Variants in RASGEF1C observed in about 807,000 individuals in gnomAD.
RASGEF1C encodes RasGEF domain family member 1C, also known as ras-GEF domain-containing family member 1C.
In RASGEF1C, 27 loss-of-function variants were observed where a neutral mutation model predicts 58.1. That is an observed-to-expected ratio of 0.46 (90% confidence interval 0.34 to 0.64). The LOEUF (loss-of-function observed/expected upper bound fraction) is 0.64, where lower values mean the gene tolerates loss of function less well. Ranked by LOEUF, RASGEF1C falls within the 30% of genes least tolerant of loss-of-function variation. RASGEF1C has a pLI of 0.01. For synonymous variants in RASGEF1C, 243 were observed against 246.3 expected (o/e 0.99, Z 0.13); for missense variants, 502 against 605.1 (o/e 0.83, Z 1.79).
intron 11 of RASGEF1C, among the ~76,000 whole-genome samples, chr5:180,111,847 T>C (rs1765964472): frequency 6.6e-6 from 1 of 152,232 alleles, no homozygotes; most frequent in African/African-American, 2.4e-5. Context: ...ATTTATGTAA[T>C]TATGCAAATA....
At position 180,136,464 on chromosome 5, in the gene RASGEF1C, T is replaced by G; in HGVS notation, c.352A>C (p.Thr118Pro). ...PKLLQLLAEW[T>P]ETFPRDFQEE... is the part of the protein sequence containing the mutation. ...TGGAAGTCCCTTGGGAAGGTCTCGG[T>G]CCACTCGGCCAACAGCTGCAGCAGT... Residue 118 changes from threonine to proline, a missense_variant, in exon 4 of 14, where the codon ACC (threonine) becomes CCC (proline). Thr to Pro is a conservative substitution (Grantham distance 38). Coordinates refer to ENST00000361132, the MANE Select transcript of RASGEF1C (RefSeq NM_175062.4). 1 of 1,562,560 alleles carries G rather than the reference T, an allele frequency of 6.4e-7. No homozygotes were observed.
intron 4 of RASGEF1C, among the ~76,000 whole-genome samples, chr5:180,129,937 G>A (rs1199677550): frequency 1.3e-5 from 2 of 152,176 alleles, no homozygotes; most frequent in African/African-American, 4.8e-5. Context: ...TGGGAGAGGA[G>A]GTGCCCCTGA....
chr5:180,108,247 G>C (rs1765901822), intron 12 of RASGEF1C, among the ~76,000 whole-genome samples: 1 of 150,538 alleles, frequency 6.6e-6, no homozygotes, highest in Non-Finnish European at 1.5e-5. Context: ...CATGGCCTAG[G>C]CTGGAGTGCA....
At chr5:180,174,588 G>A (rs1304291277) in intron 1 of RASGEF1C, among the ~76,000 whole-genome samples, 5 of 49,552 alleles carry the variant, frequency 1.0e-4, no homozygotes, top group East Asian at 4.7e-4. Context: ...GTGTGCGCAC[G>A]TGTGTGTGTG....
intron 1 of RASGEF1C, among the ~76,000 whole-genome samples, chr5:180,161,040 C>CA (rs1766935998): frequency 6.6e-6 from 1 of 152,200 alleles, no homozygotes; most frequent in Non-Finnish European, 1.5e-5. Flanking sequence ...GGGCCCATCA[C>CA]TAAACATAGG....
chr5:180,122,284 C>T lies in RASGEF1C; in HGVS notation c.715-1135G>A, dbSNP rs114104758. On this transcript the variant is annotated intron_variant, in intron 6 of 13. Coordinates refer to ENST00000361132, the MANE Select transcript of RASGEF1C (RefSeq NM_175062.4). ...TGGGCACCAGCTGTGTGTATGCATG[C>T]ATCTATCATAACCATATATATTCCC... Among the ~76,000 whole-genome samples the T allele has an allele frequency of 1.3e-3, 199 of 152,306 alleles. 1 individual carries two copies. The highest frequency in any genetic ancestry group is 4.5e-3 in the African/African-American group (187 of 41,550).
In RASGEF1C at chr5:180,101,450, T is replaced by C; in HGVS notation, c.*51A>G. On this transcript the variant is annotated 3_prime_UTR_variant, in exon 14 of 14. Coordinates refer to ENST00000361132, the MANE Select transcript of RASGEF1C (RefSeq NM_175062.4). ...CCACTGGGCCACTGAGGCAGGGCTGTGGACGGCTTCTGCGGGCTCCAGCTC... is the reference window on the plus strand; with the variant it reads ...CCACTGGGCCACTGAGGCAGGGCTGCGGACGGCTTCTGCGGGCTCCAGCTC... 6.2e-7 allele frequency: 1 copy of C among 1,603,644 alleles called. No homozygotes were observed. The highest frequency in any genetic ancestry group is 8.5e-7 in the Non-Finnish European group (1 of 1,178,704).
chr5:180,134,191 C>T (rs1766427402), intron 4 of RASGEF1C, among the ~76,000 whole-genome samples: 1 of 152,108 alleles, frequency 6.6e-6, no homozygotes, highest in Non-Finnish European at 1.5e-5. Context: ...AGAGAAGGTC[C>T]TCTTTGGGGT....
chr5:180,125,159 A>C (rs13360542), intron 6 of RASGEF1C, among the ~76,000 whole-genome samples: 36,195 of 152,114 alleles, frequency 0.24, 4,424 homozygotes, highest in South Asian at 0.32. Context: ...ACAACAACAA[A>C]AAACCCAAAA....
chr5:180,101,357 G>GC lies in RASGEF1C; in HGVS notation c.*143_*144insG. On this transcript the variant is annotated 3_prime_UTR_variant, in exon 14 of 14. Transcript: ENST00000361132. The stretch of plus-strand genomic sequence containing the variant: ...TGTGCCCGTATGGCCACTGTGGGGG[G>GC]GGGGGGGGCGGGCAGCAGGCCACAG... 3 of 890,748 alleles carry GC rather than the reference G, an allele frequency of 3.4e-6. No individual in the cohort carries two copies. Among genetic ancestry groups the GC allele is most frequent in the Non-Finnish European group, 5.2e-6 (3 of 580,764 alleles). 55.2% of individuals were successfully genotyped at this position (890,748 alleles called of 1,614,324 possible).
At chr5:180,193,710 T>G (rs538567422) in intron 1 of RASGEF1C, among the ~76,000 whole-genome samples, 35 of 152,352 alleles carry the variant, frequency 2.3e-4, no homozygotes, top group African/African-American at 7.9e-4. Flanking sequence ...TTTCCAGATT[T>G]GAACAAACCA....
At chr5:180,179,724 T>A (rs140976769) in intron 1 of RASGEF1C, among the ~76,000 whole-genome samples, 2 of 152,274 alleles carry the variant, frequency 1.3e-5, no homozygotes, top group African/African-American at 4.8e-5. Context: ...AGGAAGAAGC[T>A]CTGAGCTACT....
intron 1 of RASGEF1C, among the ~76,000 whole-genome samples, chr5:180,176,802 C>A (rs568950711): frequency 2.0e-5 from 3 of 152,104 alleles, no homozygotes; most frequent in Admixed American, 6.5e-5. Flanking sequence ...ATGATCCGCC[C>A]GCCTCGGCCT....
At chr5:180,184,993 T>C (rs1446603887) in intron 1 of RASGEF1C, among the ~76,000 whole-genome samples, 1 of 152,088 alleles carries the variant, frequency 6.6e-6, no homozygotes, top group Non-Finnish European at 1.5e-5. Flanking sequence ...AACCAGCAGA[T>C]AGAAAATCAT....
chr5:180,133,488 C>T (rs1766404566), intron 4 of RASGEF1C, among the ~76,000 whole-genome samples: 1 of 152,158 alleles, frequency 6.6e-6, no homozygotes, highest in Non-Finnish European at 1.5e-5. Flanking sequence ...AGACACGGCC[C>T]AGAGAGATTA....
chr5:180,147,002 T>A (rs942080310), intron 1 of RASGEF1C, among the ~76,000 whole-genome samples: 1 of 152,156 alleles, frequency 6.6e-6, no homozygotes, highest in Non-Finnish European at 1.5e-5. Context: ...GTTATAGGTC[T>A]ATTTACGGTT....
Position 180,152,435 on chromosome 5 carries a change from C to G in RASGEF1C, c.-6-14377G>C, listed in dbSNP as rs527749832. ...GAAGGGACATGGATGAAGCTGGCAA[C>G]CATCATTCTCAGCAAACTATCGCAA... On this transcript the variant is annotated intron_variant, in intron 1 of 13. Coordinates refer to ENST00000361132, the MANE Select transcript of RASGEF1C (RefSeq NM_175062.4). Among the ~76,000 whole-genome samples the G allele has an allele frequency of 1.5e-3, 222 of 151,872 alleles. 1 individual carries two copies. The highest frequency in any genetic ancestry group is 5.0e-3 in the African/African-American group (207 of 41,368).
rs559766869 is a variant in RASGEF1C, at chr5:180,146,504, A to G, written c.-6-8446T>C. On this transcript the variant is annotated intron_variant, in intron 1 of 13. Transcript: ENST00000361132. ...AGTTTCCTTCTATTCCAGTTTTTGG[A>G]GTACTTTTTTTTTTTGTCATGAAAG... Among the ~76,000 whole-genome samples, 3 of 151,330 alleles carry G rather than the reference A, an allele frequency of 2.0e-5. 1 individual carries two copies. The South Asian group carries it at 6.2e-4, about 31-fold the overall frequency.
intron 11 of RASGEF1C, among the ~76,000 whole-genome samples, chr5:180,112,570 G>A (rs1177986026): frequency 6.6e-6 from 1 of 152,238 alleles, no homozygotes; most frequent in African/African-American, 2.4e-5. Context: ...TGGAAGCTGG[G>A]TGGGGCCTCG....
Sources: allele counts gnomAD v4.1 joint callset (sites outside exome capture counted in the v4.1 genomes callset), GRCh38; gene constraint gnomAD v4.1.1; transcripts MANE v1.5; gene names NCBI Gene and HGNC (gene_info 2026-07-23, HGNC 2026-07-21).